Variants in SMYD4 observed in about 807,000 individuals in gnomAD.
The protein encoded by SMYD4 is SET and MYND domain containing 4, also known as protein-lysine N-methyltransferase SMYD4.
In SMYD4, 68 loss-of-function variants were observed where a neutral mutation model predicts 72.8. That is an observed-to-expected ratio of 0.93 (90% CI 0.77 to 1.14). The LOEUF (loss-of-function observed/expected upper bound fraction) is 1.14. SMYD4 is among the 50% of genes most tolerant of loss of function. The pLI is 0.00. For missense variants in SMYD4, 984 were observed against 1,003.7 expected, an observed-to-expected ratio of 0.98 and a Z score of 0.27; for synonymous variants, 407 against 388.6, an observed-to-expected ratio of 1.05 and a Z score of -0.56.
At chr17:1,784,248 G>A in intron 8 of SMYD4, 78 bp downstream of exon 8, 1 of 1,595,040 alleles carries the variant, frequency 6.3e-7, no homozygotes, top group South Asian at 1.1e-5. Context: ...TCAGTACTGA[G>A]TATCCCTGAG....
intron 3 of SMYD4, among the ~76,000 whole-genome samples, chr17:1,807,470 C>T (rs1417865120): frequency 2.6e-5 from 4 of 151,768 alleles, no homozygotes; most frequent in African/African-American, 9.7e-5. Flanking sequence ...AAGCGATTCT[C>T]CTGTCTCAGC....
At chr17:1,801,096 A>G in intron 4 of SMYD4, 72 bp from the exon 5 acceptor site, 1 of 1,399,844 alleles carries the variant, frequency 7.1e-7, no homozygotes, top group Non-Finnish European at 9.7e-7. Context: ...AATGTTTCCA[A>G]AAATCTACAG....
intron 5 of SMYD4, among the ~76,000 whole-genome samples, chr17:1,799,362 G>A (rs1909581703): frequency 6.6e-6 from 1 of 151,842 alleles, no homozygotes; most frequent in Non-Finnish European, 1.5e-5. Context: ...GAGGCAGAAC[G>A]GAATCAAATA....
chr17:1,823,909 T>C (rs575923886), intron 2 of SMYD4, among the ~76,000 whole-genome samples: 2 of 152,192 alleles, frequency 1.3e-5, no homozygotes, highest in Admixed American at 6.6e-5. Flanking sequence ...ATACACATTC[T>C]GATGACATCC....
chr17:1,810,233 G>A (rs777075132), intron 3 of SMYD4, among the ~76,000 whole-genome samples: 2 of 152,112 alleles, frequency 1.3e-5, no homozygotes, highest in Admixed American at 6.6e-5. Flanking sequence ...ACAGGGTATC[G>A]GAAGGAATAT....
At chr17:1,807,186 G>C (rs1328771804) in intron 3 of SMYD4, among the ~76,000 whole-genome samples, 3 of 151,918 alleles carry the variant, frequency 2.0e-5, no homozygotes, top group South Asian at 4.2e-4. Flanking sequence ...CACTGTGCCC[G>C]GCCCTGTGCA....
chr17:1,783,657 CTGT>C, intron 8 of SMYD4, 181 bp from the exon 9 acceptor site: 1 of 1,162,636 alleles, frequency 8.6e-7, no homozygotes, highest in Non-Finnish European at 1.2e-6. Context: ...TCTGTTTTCT[CTGT>C]CAGTGGAGAA....
At chr17:1,796,328 G>T (rs1171534625) in intron 5 of SMYD4, among the ~76,000 whole-genome samples, 1 of 123,324 alleles carries the variant, frequency 8.1e-6, no homozygotes, top group African/African-American at 3.2e-5. Context: ...GTAGAGATGG[G>T]TCTTGCTCTG....
intron 5 of SMYD4, among the ~76,000 whole-genome samples, chr17:1,797,734 G>T (rs568257251): frequency 3.9e-5 from 6 of 152,348 alleles, no homozygotes; most frequent in African/African-American, 1.4e-4. Flanking sequence ...GGGCACGGTG[G>T]CTCACGCCTG....
At chr17:1,783,338 A>C (rs965517883) in intron 9 of SMYD4, 22 bp downstream of exon 9, 1 of 1,611,672 alleles carries the variant, frequency 6.2e-7, no homozygotes, top group Non-Finnish European at 8.5e-7. Context: ...CCCGACGCAG[A>C]ACGTGAAGGC....
At position 1,781,457 on chromosome 17, in the gene SMYD4, A is replaced by G. The variant is rs371657642; in HGVS notation, c.2262-18T>C. The G allele has an allele frequency of 1.5e-4, 234 of 1,611,018 alleles. No individual in the cohort carries two copies. The African/African-American group carries it at 2.9e-3, about 20-fold the overall frequency. On this transcript the variant is annotated intron_variant, in intron 10 of 10. Coordinates refer to ENST00000305513, the MANE Select transcript of SMYD4 (RefSeq NM_052928.3). The stretch of plus-strand genomic sequence containing the variant: ...CTGCAAACCTGAGCCAAGGGAGGTA[A>G]GAGGAGTTAGTTCACTGATTTGTGA...
intron 5 of SMYD4, among the ~76,000 whole-genome samples, chr17:1,792,049 T>C (rs1464691820): frequency 6.6e-6 from 1 of 152,078 alleles, no homozygotes; most frequent in Non-Finnish European, 1.5e-5. Flanking sequence ...TACATTTTTT[T>C]TTTTTTTGAG....
rs566107238 is a variant in SMYD4 at position 1,787,376 on chromosome 17, T to A, written c.1720+46A>T. Reference sequence around the variant, plus strand: ...GCTTGCTGACTTGCGTCCCCGTCCTTTTCTGTTGGAGAAGGGCAGGATGGC... The same window carrying A: ...GCTTGCTGACTTGCGTCCCCGTCCTATTCTGTTGGAGAAGGGCAGGATGGC... On this transcript the variant is annotated intron_variant, in intron 6 of 10. Coordinates refer to ENST00000305513, the MANE Select transcript of SMYD4 (RefSeq NM_052928.3). 2.5e-5 allele frequency: 38 copies of A among 1,549,172 alleles called. No homozygotes were observed. The East Asian group carries it at 6.8e-4, about 28-fold the overall frequency.
chr17:1,793,652 G>T (rs1909180059), intron 5 of SMYD4, among the ~76,000 whole-genome samples: 1 of 152,004 alleles, frequency 6.6e-6, no homozygotes, highest in East Asian at 1.9e-4. Flanking sequence ...TTCTTGACAA[G>T]AGAAGCAGCA....
At chr17:1,795,564 TC>T (rs1441777330) in intron 5 of SMYD4, among the ~76,000 whole-genome samples, 1 of 152,104 alleles carries the variant, frequency 6.6e-6, no homozygotes, top group Non-Finnish European at 1.5e-5. Context: ...TGCCTTAGCC[TC>T]CCGTGTAGCT....
chr17:1,825,876 G>A (rs1312377948), intron 2 of SMYD4, among the ~76,000 whole-genome samples: 2 of 151,662 alleles, frequency 1.3e-5, no homozygotes, highest in Non-Finnish European at 2.9e-5. Context: ...GAAGACAGGA[G>A]GATCGCTTGA....
At chr17:1,826,148 T>G (rs928676099) in intron 2 of SMYD4, among the ~76,000 whole-genome samples, 4 of 152,008 alleles carry the variant, frequency 2.6e-5, no homozygotes, top group African/African-American at 9.7e-5. Flanking sequence ...AAAGACAACC[T>G]GCTAGAAAAT....
chr17:1,815,531 G>A (rs1296781081), intron 2 of SMYD4, among the ~76,000 whole-genome samples: 2 of 147,308 alleles, frequency 1.4e-5, no homozygotes, highest in Admixed American at 6.8e-5. Context: ...AATGTCTTCT[G>A]GAATATTATG....
chr17:1,825,355 T>C (rs1293957527), intron 2 of SMYD4, among the ~76,000 whole-genome samples: 4 of 151,914 alleles, frequency 2.6e-5, no homozygotes, highest in African/African-American at 9.7e-5. Context: ...TCAATAAAGA[T>C]GGAGGAAAAA....
Sources: gnomAD v4.1 joint callset for allele counts (sites outside exome capture counted in the v4.1 genomes callset) on GRCh38, gnomAD v4.1.1 for gene constraint, MANE v1.5 for transcripts, NCBI Gene and HGNC (gene_info 2026-07-23, HGNC 2026-07-21) for gene names.